The following SLC24A2 variants were observed in gnomAD, a reference collection of about 807,000 sequenced individuals.
SLC24A2 encodes solute carrier family 24 member 2.
In SLC24A2, 36 loss-of-function variants were observed where a neutral mutation model predicts 62.0. The observed-to-expected ratio is 0.58, with a 90% CI of 0.44 to 0.77. SLC24A2 has a LOEUF of 0.77. SLC24A2 is among the 30% of genes least tolerant of loss of function. The probability of loss-of-function intolerance (pLI) is 0.00; values close to 1 mark genes in which losing one functional copy is unlikely to be tolerated. For synonymous variants in SLC24A2, 358 were observed against 294.0 expected (o/e 1.22, Z -2.23); for missense variants, 846 against 817.9 (o/e 1.03, Z -0.42).
At chr9:19,668,554 C>T (rs139448981) in intron 2 of SLC24A2, among the ~76,000 whole-genome samples, 2 of 152,312 alleles carry the variant, frequency 1.3e-5, no homozygotes, top group Non-Finnish European at 1.5e-5. Flanking sequence ...GTTTGAAATA[C>T]ACATTTTTCT....
rs969861622 is a variant in SLC24A2 at position 19,508,056 on chromosome 9, A to C, written c.*8097T>G. On this transcript the variant is annotated 3_prime_UTR_variant, in exon 11 of 11. Transcript: ENST00000341998. ...TTCTCTTGCTTTTAGTGCTAGCAGCAACTTCACTGAATCAGGAAGGTAGCT... is the reference window on the plus strand; with the variant it reads ...TTCTCTTGCTTTTAGTGCTAGCAGCCACTTCACTGAATCAGGAAGGTAGCT... 2.0e-5 allele frequency: 3 copies of C among 152,262 alleles called. No homozygotes were observed. The highest frequency in any genetic ancestry group is 2.0e-4 in the Admixed American group (3 of 15,290). The allele number at this position is 152,262 out of a possible 1,614,324, so 9.4% of individuals were successfully genotyped here. A position where few individuals can be genotyped will look rare whatever the true frequency, so the allele number is the denominator to read the frequency against.
chr9:20,183,940 T>G, the SLC24A2 span, among the ~76,000 whole-genome samples: 2 of 152,070 alleles, frequency 1.3e-5, no homozygotes, highest in African/African-American at 4.8e-5. Flanking sequence ...AGCTTCTACA[T>G]GGTGAAGAAA....
the SLC24A2 span, among the ~76,000 whole-genome samples, chr9:20,097,871 T>C: frequency 6.6e-6 from 1 of 151,104 alleles, no homozygotes; most frequent in African/African-American, 2.4e-5. Flanking sequence ...GACTCCCGAG[T>C]AGCTGGGACT....
chr9:20,042,547 G>C, the SLC24A2 span, among the ~76,000 whole-genome samples: 2 of 152,196 alleles, frequency 1.3e-5, no homozygotes, highest in Non-Finnish European at 2.9e-5. Context: ...AGGGGTGAGA[G>C]GACATGGCCT....
At chr9:19,585,712 T>C in intron 5 of SLC24A2, among the ~76,000 whole-genome samples, 1 of 152,230 alleles carries the variant, frequency 6.6e-6, no homozygotes, top group South Asian at 2.1e-4. Context: ...GTAACTAACA[T>C]GTTTTTCTAG....
the SLC24A2 span, chr9:19,957,287 C>T: frequency 6.6e-6 from 1 of 151,780 alleles, no homozygotes; most frequent in Non-Finnish European, 1.5e-5. Context: ...AAAAAAATAC[C>T]TTTCCTAGGT....
the SLC24A2 span, among the ~76,000 whole-genome samples, chr9:20,049,255 A>G: frequency 3.3e-5 from 5 of 152,228 alleles, no homozygotes; most frequent in Non-Finnish European, 7.3e-5. Flanking sequence ...GAACCATCAC[A>G]TCGATCCATC....
intron 2 of SLC24A2, among the ~76,000 whole-genome samples, chr9:19,640,786 T>C (rs1208209845): frequency 6.6e-6 from 1 of 152,214 alleles, no homozygotes; most frequent in Non-Finnish European, 1.5e-5. Flanking sequence ...TCATGAGCTG[T>C]AGTTTGCTAA....
chr9:19,572,111 CAA>C (rs202225997), intron 7 of SLC24A2, among the ~76,000 whole-genome samples: 5,136 of 142,716 alleles, frequency 0.036, 337 homozygotes, highest in East Asian at 0.31. Flanking sequence ...ACTAAAAATG[CAA>C]AAAAAAAAAA....
chr9:19,858,507 C>T, the SLC24A2 span, among the ~76,000 whole-genome samples: 1 of 152,078 alleles, frequency 6.6e-6, no homozygotes, highest in African/African-American at 2.4e-5. Context: ...CAAATGGAAC[C>T]TAATTAAAGA....
chr9:19,699,889 T>A (rs1241687852), intron 2 of SLC24A2, among the ~76,000 whole-genome samples: 1 of 152,154 alleles, frequency 6.6e-6, no homozygotes, highest in Non-Finnish European at 1.5e-5. Flanking sequence ...AGGACACCAA[T>A]GACTCAGCCC....
the SLC24A2 span, among the ~76,000 whole-genome samples, chr9:19,806,481 T>C: frequency 6.6e-6 from 1 of 152,188 alleles, no homozygotes; most frequent in Non-Finnish European, 1.5e-5. Flanking sequence ...CATCTTTCTA[T>C]ATAAGGTTTA....
chr9:19,764,015 T>C lies in SLC24A2; in HGVS notation c.930+21922A>G, dbSNP rs932094894. Among the ~76,000 whole-genome samples, 5 of 152,228 alleles carry C rather than the reference T, an allele frequency of 3.3e-5. No homozygotes were observed. In the South Asian group the frequency reaches 1.0e-3, roughly 32 times the overall value. ...ACTTGTTATTGGTCTACTCAGGGAT[T>C]CGACTTCTTCCTGGTTTAGTCTTGG... On this transcript the variant is annotated intron_variant, in intron 2 of 10. Transcript: ENST00000341998.
At chr9:19,695,220 A>G (rs1180837095) in intron 2 of SLC24A2, among the ~76,000 whole-genome samples, 3 of 152,114 alleles carry the variant, frequency 2.0e-5, no homozygotes, top group African/African-American at 7.2e-5. Flanking sequence ...AGCCCTCACA[A>G]CAATGAATTA....
chr9:19,908,051 AG>A, the SLC24A2 span, among the ~76,000 whole-genome samples: 2 of 152,230 alleles, frequency 1.3e-5, no homozygotes, highest in African/African-American at 4.8e-5. Context: ...AAAAGAACAA[AG>A]CTGGAGGCAT....
intron 2 of SLC24A2, among the ~76,000 whole-genome samples, chr9:19,742,306 C>G (rs1313336912): frequency 2.0e-5 from 3 of 152,094 alleles, no homozygotes; most frequent in Non-Finnish European, 4.4e-5. Flanking sequence ...AGGTATTATC[C>G]TAAGGAAATA....
the SLC24A2 span, among the ~76,000 whole-genome samples, chr9:19,921,518 TAAAAA>T: frequency 2.4e-5 from 3 of 123,208 alleles, no homozygotes; most frequent in Admixed American, 8.5e-5. Flanking sequence ...AGACTCCGTG[TAAAAA>T]AAAAAAAAAA....
At position 19,636,315 on chromosome 9, in the gene SLC24A2, T is replaced by TTTTTCTTTC. The variant is rs1818327256; in HGVS notation, c.931-14017_931-14016insGAAAGAAAA. 9.9e-5 allele frequency among the ~76,000 whole-genome samples: 4 copies of TTTTTCTTTC among 40,328 alleles called. 1 individual carries two copies. The highest frequency in any genetic ancestry group is 1.4e-4 in the Non-Finnish European group (3 of 21,292). The allele number at this position is 40,328 out of a possible 152,430, so 26.5% of individuals were successfully genotyped here. A position where few individuals can be genotyped will look rare whatever the true frequency, so the allele number is the denominator to read the frequency against. On this transcript the variant is annotated intron_variant, in intron 2 of 10. Coordinates refer to ENST00000341998, the MANE Select transcript of SLC24A2 (RefSeq NM_020344.4). ...TTTTCTTTTCTTTTCTTTTCTTTTC[T>TTTTTCTTTC]TTTCTTTCTTTCTTTCTTTCTTTCT... is the stretch of plus-strand genomic sequence containing the variant.
chr9:19,871,644 G>A, the SLC24A2 span, among the ~76,000 whole-genome samples: 2 of 152,114 alleles, frequency 1.3e-5, no homozygotes, highest in Admixed American at 6.5e-5. Flanking sequence ...CAATATACAA[G>A]ATTAGTTGTT....
Sources: allele counts gnomAD v4.1 joint callset (sites outside exome capture counted in the v4.1 genomes callset), GRCh38; gene constraint gnomAD v4.1.1; transcripts MANE v1.5; gene names NCBI Gene and HGNC (gene_info 2026-07-23, HGNC 2026-07-21).